OR1C1: variants seen among roughly 807,000 people sequenced by gnomAD.
The protein encoded by OR1C1 is olfactory receptor family 1 subfamily C member 1, also known as olfactory receptor 1C1.
For synonymous variants in OR1C1, 153 were observed against 154.6 expected, an observed-to-expected ratio of 0.99 and a Z score of 0.08; for missense variants, 407 against 384.3, an observed-to-expected ratio of 1.06 and a Z score of -0.49.
Position 247,757,149 on chromosome 1 carries a change from G to T in OR1C1, c.*313C>A. ...AAATTTATCTTAATATGTAGCATTT[G>T]GGAACTATATCACAGAGATTCTCAT... On this transcript the variant is annotated 3_prime_UTR_variant, in exon 2 of 2. Coordinates refer to ENST00000641256, the MANE Select transcript of OR1C1 (RefSeq NM_012353.3). 4.8e-6 allele frequency: 1 copy of T among 206,964 alleles called. No homozygotes were observed. The allele number at this position is 206,964 out of a possible 1,614,324, so 12.8% of individuals were successfully genotyped here.
chr1:247,758,587 A>C, intron 1 of OR1C1, 168 bp from the exon 2 acceptor site: 1 of 560,458 alleles, frequency 1.8e-6, no homozygotes, highest in East Asian at 2.9e-5. Flanking sequence ...TCTTGTGTTC[A>C]TGATATTCTG....
At chr1:247,758,476 G>T in intron 1 of OR1C1, 57 bp from the exon 2 acceptor site, 2 of 831,168 alleles carry the variant, frequency 2.4e-6, no homozygotes, top group South Asian at 3.4e-5. Context: ...TCTTATTCAT[G>T]AGAGAGAGAC....
Position 247,757,205 on chromosome 1 carries a change from A to C in OR1C1, c.*257T>G, listed in dbSNP as rs796535652. ...AGGTATATTTGTACTGGAGTCAGAA[A>C]CTATTTATCAGCTATGGGTTGTATG... is the stretch of plus-strand genomic sequence containing the variant. On this transcript the variant is annotated 3_prime_UTR_variant, in exon 2 of 2. Transcript: ENST00000641256. 16 of 233,534 alleles carry C rather than the reference A, an allele frequency of 6.9e-5. No homozygotes were observed. The East Asian group carries it at 8.5e-4, about 12-fold the overall frequency. 14.5% of individuals were successfully genotyped at this position (233,534 alleles called of 1,614,324 possible). A position where few individuals can be genotyped will look rare whatever the true frequency, so the allele number is the denominator to read the frequency against.
intron 1 of OR1C1, among the ~76,000 whole-genome samples, chr1:247,758,913 G>A (rs1661283658): frequency 6.6e-6 from 1 of 151,972 alleles, no homozygotes; most frequent in Non-Finnish European, 1.5e-5. Context: ...AACGTATTTG[G>A]TCACTGATAA....
In OR1C1 at chr1:247,758,304, A is replaced by G. The variant is rs1338906327; in HGVS notation, c.103T>C (p.Tyr35His). The change falls in exon 2 of 2, where the codon TAT becomes CAT. Residue 35 changes from tyrosine (Y) to histidine (H), a missense_variant. Transcript: ENST00000641256. ...HLLSVLFLCM[Y>H]LATTLGNMLI... ...ATGTTCCCCAAGGTGGTGGCTAAATACATACAGAGAAAGAGCACAGACAGG... is the reference window on the plus strand; with the variant it reads ...ATGTTCCCCAAGGTGGTGGCTAAATGCATACAGAGAAAGAGCACAGACAGG... The G allele has an allele frequency of 1.2e-6, 2 of 1,613,910 alleles. No individual in the cohort carries two copies. Among genetic ancestry groups the G allele is most frequent in the African/African-American group, 1.3e-5 (1 of 75,044 alleles).
chr1:247,759,021 G>C (rs956006320), intron 1 of OR1C1, among the ~76,000 whole-genome samples: 2 of 152,068 alleles, frequency 1.3e-5, no homozygotes, highest in African/African-American at 4.8e-5. Context: ...GTCATTGAGA[G>C]CCCAGTGTTT....
rs558922374 is a variant in OR1C1 at position 247,755,076 on chromosome 1, T to C, written c.*2386A>G. On this transcript the variant is annotated 3_prime_UTR_variant, in exon 2 of 2. Coordinates refer to ENST00000641256, the MANE Select transcript of OR1C1 (RefSeq NM_012353.3). ...CACACAATATGGAATGGACCATCTCTTCAATAAGTGGTTTTAGAACAACTG... is the reference window on the plus strand; with the variant it reads ...CACACAATATGGAATGGACCATCTCCTCAATAAGTGGTTTTAGAACAACTG... The C allele has an allele frequency of 7.2e-5, 11 of 152,276 alleles. No homozygotes were observed. The highest frequency in any genetic ancestry group is 2.0e-4 in the Admixed American group (3 of 15,288). 9.4% of individuals were successfully genotyped at this position (152,276 alleles called of 1,614,324 possible). A position where few individuals can be genotyped will look rare whatever the true frequency, so the allele number is the denominator to read the frequency against.
Position 247,758,487 on chromosome 1 carries a change from AGTGTGTGT to A in OR1C1, c.-13-76_-13-69del, listed in dbSNP as rs61126187. 2.1e-4 allele frequency: 128 copies of A among 597,030 alleles called. 4 individuals are homozygous for A. The Admixed American group carries it at 3.1e-3, about 15-fold the overall frequency. 37.0% of individuals were successfully genotyped at this position (597,030 alleles called of 1,614,324 possible). A position where few individuals can be genotyped will look rare whatever the true frequency, so the allele number is the denominator to read the frequency against. ...AGTCTCTTATTCATGAGAGAGAGAC[AGTGTGTGT>A]GTGTGTGTGTGTGTGTGTGTGTGCA... On this transcript the variant is annotated intron_variant, in intron 1 of 1. Coordinates refer to ENST00000641256, the MANE Select transcript of OR1C1 (RefSeq NM_012353.3).
Position 247,757,854 on chromosome 1 carries a change from G to A in OR1C1, c.553C>T (p.Leu185=). The A allele has an allele frequency of 6.2e-7, 1 of 1,614,058 alleles. No individual in the cohort carries two copies. Among genetic ancestry groups the A allele is most frequent in the South Asian group, 1.1e-5 (1 of 91,068 alleles). The change falls in exon 2 of 2, where the codon CTG becomes TTG. Residue 185 remains leucine, a synonymous_variant. Transcript: ENST00000641256. ...GAGACGTCAGAGCAAGAGAGCTGCA[G>A]GAGAGGATTGAGATCACAGAAGAAA... is the stretch of plus-strand genomic sequence containing the variant. ...HHFFCDLNPL[L]QLSCSDVSFN...
intron 1 of OR1C1, among the ~76,000 whole-genome samples, chr1:247,759,642 A>G (rs1354545448): frequency 6.6e-6 from 1 of 152,212 alleles, no homozygotes; most frequent in Non-Finnish European, 1.5e-5. Flanking sequence ...TAGATAATAT[A>G]CATGTTCTGG....
chr1:247,759,942 G>A (rs1661299721), intron 1 of OR1C1, among the ~76,000 whole-genome samples: 1 of 152,152 alleles, frequency 6.6e-6, no homozygotes, highest in South Asian at 2.1e-4. Flanking sequence ...GGCACTATCA[G>A]TTACATCATT....
rs41304163 is a variant in OR1C1 at position 247,758,110 on chromosome 1, G to C, written c.297C>G (p.Thr99=). The C allele has an allele frequency of 0.055, 88,035 of 1,613,992 alleles. 2,744 individuals carry two copies. The highest frequency in any genetic ancestry group is 0.092 in the Middle Eastern group (559 of 6,062). Residue 99 remains threonine, a synonymous_variant, in exon 2 of 2, where the codon ACC becomes ACG. Coordinates refer to ENST00000641256, the MANE Select transcript of OR1C1 (RefSeq NM_012353.3). ...TKTISFAGCL[T]QLFFFVSFVN... ...CAAAAGAAACGAAGAAGAAGAGCTG[G>C]GTGAGGCAGCCTGCAAAAGAGATAG...
At position 247,758,227 on chromosome 1, in the gene OR1C1, G is replaced by C; in HGVS notation, c.180C>G (p.Tyr60Ter). ...GFDSHLHSPM[Y>*]FFLSNLAFVD... ...CAAAGGCCAAGTTACTAAGGAAGAA[G>C]TACATAGGGGAATGGAGGTGAGAGT... is the stretch of plus-strand genomic sequence containing the variant. The change falls in exon 2 of 2, where the codon TAC (tyrosine) becomes TAG (stop). Residue 60 changes from tyrosine to a stop codon, truncating the protein, a stop_gained. Transcript: ENST00000641256. LOFTEE classifies it low-confidence loss of function (END_TRUNC). 6.2e-7 allele frequency: 1 copy of C among 1,614,060 alleles called. No individual in the cohort carries two copies. The highest frequency in any genetic ancestry group is 8.5e-7 in the Non-Finnish European group (1 of 1,180,004).
chr1:247,757,604 G>C lies in OR1C1; in HGVS notation c.803C>G (p.Pro268Arg). 2 of 1,614,102 alleles carry C rather than the reference G, an allele frequency of 1.2e-6. No individual in the cohort carries two copies. The highest frequency in any genetic ancestry group is 8.5e-7 in the Non-Finnish European group (1 of 1,180,014). ...VYFSPSSPHM[P>R]ESDTLSTIMY... ...GATGGTTGACAGAGTGTCGCTCTCA[G>C]GCATATGGGGGGATGAAGGGCTGAA... is the stretch of plus-strand genomic sequence containing the variant. Residue 268 changes from proline (P) to arginine (R), a missense_variant, in exon 2 of 2, where the codon CCT (proline) becomes CGT (arginine). Transcript: ENST00000641256.
In OR1C1 at chr1:247,754,896, C is replaced by G. The variant is rs548630140; in HGVS notation, c.*2566G>C. 2.2e-3 allele frequency: 341 copies of G among 152,168 alleles called. 2 individuals carry two copies. Among genetic ancestry groups the G allele is most frequent in the Middle Eastern group, 6.8e-3 (2 of 294 alleles). The allele number at this position is 152,168 out of a possible 1,614,324, so 9.4% of individuals were successfully genotyped here. On this transcript the variant is annotated 3_prime_UTR_variant, in exon 2 of 2. Transcript: ENST00000641256. ...TTTATCAAAACATCCCTGTGTACTC[C>G]ATAAGTGTGTATGATTATTTTATGC...
Position 247,758,433 on chromosome 1 carries a change from T to G in OR1C1, c.-13-14A>C. On this transcript the variant is annotated splice_polypyrimidine_tract_variant and intron_variant, in intron 1 of 1. Transcript: ENST00000641256. ...TTCCCAACAAATCTAGAAAAATAAG[T>G]TATTAAATTGTAAAAGCCAGCAGTG... 1 of 1,397,032 alleles carries G rather than the reference T, an allele frequency of 7.2e-7. No individual in the cohort carries two copies. Among genetic ancestry groups the G allele is most frequent in the Non-Finnish European group, 1.0e-6 (1 of 1,000,944 alleles). The allele number at this position is 1,397,032 out of a possible 1,614,324, so 86.5% of individuals were successfully genotyped here. A position where few individuals can be genotyped will look rare whatever the true frequency, so the allele number is the denominator to read the frequency against.
chr1:247,758,141 G>C lies in OR1C1; in HGVS notation c.266C>G (p.Thr89Ser). The C allele has an allele frequency of 6.2e-7, 1 of 1,614,078 alleles. No individual in the cohort carries two copies. Among genetic ancestry groups the C allele is most frequent in the East Asian group, 2.2e-5 (1 of 44,862 alleles). Reference protein sequence around the residue: ...PQMVVNILTGTKTISFAGCLT... With the variant: ...PQMVVNILTGSKTISFAGCLT... Reference sequence around the variant, plus strand: ...GCAGCCTGCAAAAGAGATAGTCTTGGTGCCAGTCAAGATATTCACTACCAT... The same window carrying C: ...GCAGCCTGCAAAAGAGATAGTCTTGCTGCCAGTCAAGATATTCACTACCAT... Residue 89 changes from threonine (T) to serine (S), a missense_variant, in exon 2 of 2, where the codon ACC becomes AGC. Thr to Ser is a moderately conservative substitution (Grantham distance 58). Transcript: ENST00000641256.
At chr1:247,759,182 T>C (rs1661287491) in intron 1 of OR1C1, among the ~76,000 whole-genome samples, 1 of 152,246 alleles carries the variant, frequency 6.6e-6, no homozygotes. Context: ...TTCTCACTTC[T>C]GTATCAATCC....
intron 1 of OR1C1, among the ~76,000 whole-genome samples, chr1:247,759,876 AT>A (rs899166630): frequency 1.3e-5 from 2 of 152,178 alleles, no homozygotes; most frequent in Admixed American, 1.3e-4. Context: ...CTATGCATGT[AT>A]TTGCATGCCT....
Sources: allele counts gnomAD v4.1 joint callset (sites outside exome capture counted in the v4.1 genomes callset), GRCh38; gene constraint gnomAD v4.1.1; transcripts MANE v1.5; gene names NCBI Gene and HGNC (gene_info 2026-07-23, HGNC 2026-07-21).